The following BMPR1A variants were observed in gnomAD, a reference collection of about 807,000 sequenced individuals.
BMPR1A encodes the protein bone morphogenetic protein receptor type-1A.
A neutral mutation model predicts 66.0 loss-of-function variants in BMPR1A; 7 were observed. The ratio of observed to expected loss-of-function variants is 0.11; its 90% CI spans 0.06 to 0.20. The LOEUF is 0.20. Ranked by LOEUF, BMPR1A falls within the 10% of genes least tolerant of loss-of-function variation. BMPR1A has a pLI of 1.00. For missense variants in BMPR1A, 408 were observed against 669.1 expected, an observed-to-expected ratio of 0.61 and a Z score of 4.31; for synonymous variants, 200 against 229.7, an observed-to-expected ratio of 0.87 and a Z score of 1.17.
At chr10:86,920,067 G>A (rs527420947) in intron 10 of BMPR1A, among the ~76,000 whole-genome samples, 1 of 152,256 alleles carries the variant, frequency 6.6e-6, no homozygotes, top group East Asian at 1.9e-4. Flanking sequence ...ATATGTGGAG[G>A]TACTGTAGTT....
chr10:86,812,970 T>C (rs12415784), intron 1 of BMPR1A, among the ~76,000 whole-genome samples: 20,847 of 152,208 alleles, frequency 0.14, 1,909 homozygotes, highest in Admixed American at 0.23. Context: ...TGCCTATTTA[T>C]CGCTCCCTCC....
At chr10:86,870,703 T>C (rs1842844194) in intron 2 of BMPR1A, among the ~76,000 whole-genome samples, 2 of 152,032 alleles carry the variant, frequency 1.3e-5, no homozygotes, top group Admixed American at 1.3e-4. Flanking sequence ...AGATTACAGG[T>C]GTGAGCCACG....
At chr10:86,811,790 C>T (rs1281850559) in intron 1 of BMPR1A, among the ~76,000 whole-genome samples, 1 of 152,138 alleles carries the variant, frequency 6.6e-6, no homozygotes, top group African/African-American at 2.4e-5. Flanking sequence ...ATTCTGTTAT[C>T]ATTTGTTAGC....
chr10:86,788,018 G>A (rs1016248950), intron 1 of BMPR1A, among the ~76,000 whole-genome samples: 11 of 152,078 alleles, frequency 7.2e-5, no homozygotes, highest in Admixed American at 6.5e-4. Context: ...AACCATAGAG[G>A]AAGAGAATTT....
intron 7 of BMPR1A, among the ~76,000 whole-genome samples, chr10:86,904,320 G>A (rs1438834465): frequency 6.6e-6 from 1 of 152,120 alleles, no homozygotes; most frequent in Admixed American, 6.5e-5. Context: ...GCTCAAAACC[G>A]ATAATAAAGA....
At position 86,794,756 on chromosome 10, in the gene BMPR1A, A is replaced by G. The variant is rs369415638; in HGVS notation, c.-268+37837A>G. Reference sequence around the variant, plus strand: ...TAAATGAAAAGATAATATGAGAATTAAAAGTAATGACTTCTGTGATTCGTA... The same window carrying G: ...TAAATGAAAAGATAATATGAGAATTGAAAGTAATGACTTCTGTGATTCGTA... On this transcript the variant is annotated intron_variant, in intron 1 of 12. Transcript: ENST00000372037. Among the ~76,000 whole-genome samples, 14 of 152,172 alleles carry G rather than the reference A, an allele frequency of 9.2e-5. No individual in the cohort carries two copies. The East Asian group carries it at 2.3e-3, about 25-fold the overall frequency.
Position 86,868,778 on chromosome 10 carries a change from G to GTGTTTTTTTTTT in BMPR1A, c.-152-7088_-152-7087insGTTTTTTTTTTT, listed in dbSNP as rs572972222. Among the ~76,000 whole-genome samples, 1,190 of 140,916 alleles carry GTGTTTTTTTTTT rather than the reference G, an allele frequency of 8.4e-3. 22 individuals are homozygous for GTGTTTTTTTTTT. Among genetic ancestry groups the GTGTTTTTTTTTT allele is most frequent in the African/African-American group, 0.029 (1,094 of 37,856 alleles). The allele number at this position is 140,916 out of a possible 152,430, so 92.4% of individuals were successfully genotyped here. A position where few individuals can be genotyped will look rare whatever the true frequency, so the allele number is the denominator to read the frequency against. On this transcript the variant is annotated intron_variant, in intron 2 of 12. Transcript: ENST00000372037. ...TCAACTGACTTCAGCCTTTTCCTGT[G>GTGTTTTTTTTTT]TTTTTTTTTTTTTAAGTTCCAATTG...
At chr10:86,770,200 A>C (rs1391440945) in intron 1 of BMPR1A, among the ~76,000 whole-genome samples, 1 of 152,210 alleles carries the variant, frequency 6.6e-6, no homozygotes, top group African/African-American at 2.4e-5. Flanking sequence ...CTGAGGTGGC[A>C]GATTGGCTTG....
At chr10:86,885,476 A>G (rs1354234334) in intron 3 of BMPR1A, among the ~76,000 whole-genome samples, 1 of 152,216 alleles carries the variant, frequency 6.6e-6, no homozygotes, top group Non-Finnish European at 1.5e-5. Context: ...GCTTTTGAGC[A>G]CTTGAGTTGT....
chr10:86,847,996 A>G (rs1842510395), intron 2 of BMPR1A, among the ~76,000 whole-genome samples: 1 of 150,614 alleles, frequency 6.6e-6, no homozygotes, highest in Non-Finnish European at 1.5e-5. Context: ...CAGTGGTGCC[A>G]TCTTGGCTCA....
chr10:86,827,444 GC>G lies in BMPR1A; in HGVS notation c.-267-11420del, dbSNP rs1842211546. ...ATATACCACAGTCCATTTTACTGCTGCTTGACACCTCGGTTTCACCTAGTTT... is the reference window on the plus strand; with the variant it reads ...ATATACCACAGTCCATTTTACTGCTGTTGACACCTCGGTTTCACCTAGTTT... On this transcript the variant is annotated intron_variant, in intron 1 of 12. Transcript: ENST00000372037. Among the ~76,000 whole-genome samples, 3 of 152,008 alleles carry G rather than the reference GC, an allele frequency of 2.0e-5. No individual in the cohort carries two copies. The South Asian group carries it at 6.2e-4, about 32-fold the overall frequency.
chr10:86,891,985 A>G (rs772271554), intron 4 of BMPR1A, 142 bp from the exon 5 acceptor site: 19 of 692,300 alleles, frequency 2.7e-5, no homozygotes, highest in African/African-American at 1.9e-4. Flanking sequence ...GGCGTTGCCA[A>G]TAAATCACGT....
intron 3 of BMPR1A, among the ~76,000 whole-genome samples, chr10:86,877,486 CG>C (rs1413098663): frequency 1.3e-5 from 2 of 152,140 alleles, no homozygotes; most frequent in African/African-American, 2.4e-5. Context: ...GCATTACAGG[CG>C]TGAGCCACTG....
intron 1 of BMPR1A, among the ~76,000 whole-genome samples, chr10:86,789,539 G>A (rs768108834): frequency 5.9e-5 from 9 of 151,436 alleles, no homozygotes; most frequent in Admixed American, 3.3e-4. Flanking sequence ...ATGGTGAAAC[G>A]CCATCTCTGC....
intron 1 of BMPR1A, among the ~76,000 whole-genome samples, chr10:86,782,818 C>T (rs1357646780): frequency 6.6e-6 from 1 of 151,912 alleles, no homozygotes; most frequent in Non-Finnish European, 1.5e-5. Flanking sequence ...TTTCACTCTT[C>T]CTTGGTTTCA....
intron 1 of BMPR1A, among the ~76,000 whole-genome samples, chr10:86,763,530 G>A (rs1841108228): frequency 6.6e-6 from 1 of 152,136 alleles, no homozygotes; most frequent in Non-Finnish European, 1.5e-5. Context: ...CGAAATTGAA[G>A]GTCATATAAT....
At chr10:86,758,433 T>A (rs1156433488) in intron 1 of BMPR1A, among the ~76,000 whole-genome samples, 1 of 151,980 alleles carries the variant, frequency 6.6e-6, no homozygotes, top group Non-Finnish European at 1.5e-5. Flanking sequence ...TTCCTTCTAA[T>A]TTTCCTGCTT....
intron 11 of BMPR1A, among the ~76,000 whole-genome samples, 191 bp from the exon 12 acceptor site, chr10:86,923,185 A>G (rs541372200): frequency 5.8e-4 from 88 of 152,270 alleles, no homozygotes; most frequent in African/African-American, 1.9e-3. Context: ...TCCCTGGTGG[A>G]GGTAGAGGAA....
chr10:86,844,948 G>A, intron 2 of BMPR1A, among the ~76,000 whole-genome samples: 1 of 152,088 alleles, frequency 6.6e-6, no homozygotes, highest in East Asian at 1.9e-4. Context: ...AGCTAATTTT[G>A]TATTTTTAGT....
Sources: gnomAD v4.1 joint callset for allele counts (sites outside exome capture counted in the v4.1 genomes callset) on GRCh38, gnomAD v4.1.1 for gene constraint, MANE v1.5 for transcripts, NCBI Gene and HGNC (gene_info 2026-07-23, HGNC 2026-07-21) for gene names.